NCALD: variants seen among roughly 807,000 people sequenced by gnomAD.
NCALD encodes the protein neurocalcin delta.
A neutral mutation model predicts 18.6 loss-of-function variants in NCALD; 10 were observed. That is an observed-to-expected ratio of 0.54 (90% CI 0.33 to 0.91). The LOEUF (loss-of-function observed/expected upper bound fraction) is 0.91, where lower values mean the gene tolerates loss of function less well. Ranked by LOEUF, NCALD falls within the 40% of genes least tolerant of loss-of-function variation. The pLI is 0.03. For missense variants in NCALD, 184 were observed against 247.6 expected, an observed-to-expected ratio of 0.74 and a Z score of 1.72; for synonymous variants, 88 against 87.4, an observed-to-expected ratio of 1.01 and a Z score of -0.04.
chr8:102,013,176 A>G (rs1190218529), intron 2 of NCALD, among the ~76,000 whole-genome samples: 2 of 152,126 alleles, frequency 1.3e-5, no homozygotes, highest in South Asian at 4.1e-4. Context: ...AAGGGAGTGA[A>G]TTGAATTGCT....
chr8:101,793,175 C>A (rs1812509188), upstream of NCALD, among the ~76,000 whole-genome samples: 2 of 151,846 alleles, frequency 1.3e-5, no homozygotes, highest in African/African-American at 4.8e-5. Flanking sequence ...ACGGTGAAAC[C>A]CCGTCTCTAT....
In NCALD at chr8:101,934,872, G is replaced by A. The variant is rs145709156; in HGVS notation, c.-156-19014C>T. On this transcript the variant is annotated intron_variant, in intron 2 of 6. Coordinates refer to the NCALD transcript ENST00000311028. ...AAGAGATAAGATTTAAATACACAAA[G>A]AGAATATAAGAATCAACTTGGGCCA... Among the ~76,000 whole-genome samples the A allele has an allele frequency of 5.1e-3, 776 of 152,202 alleles. 5 individuals are homozygous for A. Among genetic ancestry groups the A allele is most frequent in the African/African-American group, 0.017 (700 of 41,542 alleles).
Position 101,719,331 on chromosome 8 carries a change from T to C in NCALD, c.299A>G (p.Lys100Arg). ...SVTSRGKLEQ[K>R]LKWAFSMYDL... ...GTACATGCTGAAGGCCCATTTCAGC[T>C]TCTGCTCCAGCTTCCCCCTCGAAGT... is the stretch of plus-strand genomic sequence containing the variant. The change falls in exon 2 of 4, where the codon AAG becomes AGG. Residue 100 changes from lysine (K) to arginine (R), a missense_variant. Transcript: ENST00000220931. The C allele has an allele frequency of 6.2e-7, 1 of 1,614,240 alleles. No homozygotes were observed. The highest frequency in any genetic ancestry group is 8.5e-7 in the Non-Finnish European group (1 of 1,180,046).
At chr8:101,731,525 G>A (rs761955659) in intron 1 of NCALD, among the ~76,000 whole-genome samples, 12 of 151,990 alleles carry the variant, frequency 7.9e-5, no homozygotes, top group African/African-American at 1.7e-4. Flanking sequence ...CTCACTCCCC[G>A]CCCCCCATGG....
chr8:101,918,714 C>G (rs1818057877), intron 2 of NCALD, among the ~76,000 whole-genome samples: 1 of 149,630 alleles, frequency 6.7e-6, no homozygotes, highest in South Asian at 2.1e-4. Flanking sequence ...AGGGCCAAAT[C>G]AAGAACACAA....
At chr8:102,081,545 TAAAAAAAAAAAAAAAA>T (rs770307937) in intron 1 of NCALD, among the ~76,000 whole-genome samples, 2 of 68,704 alleles carry the variant, frequency 2.9e-5, no homozygotes, top group Admixed American at 1.5e-4. Context: ...CAAATAATGG[TAAAAAAAAAAAAAAAA>T]AAAAAAAAAA....
At chr8:101,932,454 C>T (rs1289666845) in intron 2 of NCALD, among the ~76,000 whole-genome samples, 1 of 152,190 alleles carries the variant, frequency 6.6e-6, no homozygotes, top group Non-Finnish European at 1.5e-5. Context: ...TAACCCTTTC[C>T]ATTCCCCCTG....
intron 2 of NCALD, among the ~76,000 whole-genome samples, chr8:101,929,423 GAGGA>G (rs1268149643): frequency 1.1e-3 from 44 of 40,362 alleles, no homozygotes; most frequent in African/African-American, 5.6e-3. Flanking sequence ...GGAAGGGAGG[GAGGA>G]AGGAAGGAAG....
At chr8:101,729,293 A>G (rs116173320) in intron 1 of NCALD, among the ~76,000 whole-genome samples, 1 of 152,240 alleles carries the variant, frequency 6.6e-6, no homozygotes, top group Non-Finnish European at 1.5e-5. Context: ...GAAAAAATTA[A>G]AAGAGGGAGA....
intron 2 of NCALD, among the ~76,000 whole-genome samples, chr8:101,971,502 T>G (rs1820239918): frequency 6.6e-6 from 1 of 152,096 alleles, no homozygotes; most frequent in Non-Finnish European, 1.5e-5. Context: ...CTTCCCACTT[T>G]GCTCATTTGC....
intron 4 of NCALD, among the ~76,000 whole-genome samples, chr8:101,869,669 TA>T (rs1487374378): frequency 1.3e-5 from 2 of 152,174 alleles, no homozygotes; most frequent in Non-Finnish European, 2.9e-5. Flanking sequence ...CACCCTAAAA[TA>T]TTAATTGATA....
At chr8:101,830,712 C>A (rs910279476) in intron 4 of NCALD, among the ~76,000 whole-genome samples, 1 of 151,626 alleles carries the variant, frequency 6.6e-6, no homozygotes, top group Non-Finnish European at 1.5e-5. Context: ...ACTGTTATTA[C>A]CCTCATTTGC....
chr8:101,874,688 C>G (rs925182919), intron 4 of NCALD, among the ~76,000 whole-genome samples: 3 of 152,084 alleles, frequency 2.0e-5, no homozygotes, highest in African/African-American at 7.2e-5. Flanking sequence ...CCACATCCAG[C>G]TAATTTTAAA....
intron 4 of NCALD, chr8:101,872,486 T>C (rs184521268): frequency 7.4e-6 from 6 of 812,312 alleles, no homozygotes; most frequent in Non-Finnish European, 1.3e-5. Context: ...CTTTCCTTGG[T>C]GGGTAAGATG....
intron 2 of NCALD, among the ~76,000 whole-genome samples, chr8:101,694,623 G>T (rs1209907249): frequency 1.3e-5 from 2 of 152,080 alleles, no homozygotes; most frequent in East Asian, 3.9e-4. Context: ...AGGATTATGG[G>T]TGTCCCTGGG....
intron 4 of NCALD, among the ~76,000 whole-genome samples, chr8:101,839,681 A>T (rs967351887): frequency 1.1e-4 from 16 of 152,220 alleles, no homozygotes; most frequent in African/African-American, 3.9e-4. Context: ...AGTCACCCCA[A>T]GGGCTTCCAT....
intron 1 of NCALD, among the ~76,000 whole-genome samples, chr8:102,057,814 T>C (rs897832770): frequency 2.6e-5 from 4 of 152,218 alleles, no homozygotes; most frequent in Non-Finnish European, 4.4e-5. Flanking sequence ...TTTTGAATAA[T>C]AATAAACTAC....
intron 3 of NCALD, among the ~76,000 whole-genome samples, chr8:101,891,291 T>C (rs1054504759): frequency 6.6e-6 from 1 of 152,234 alleles, no homozygotes; most frequent in Admixed American, 6.5e-5. Flanking sequence ...CCATTCCTCA[T>C]CCTTGACAAT....
intron 4 of NCALD, among the ~76,000 whole-genome samples, chr8:101,867,172 G>A (rs1230827720): frequency 6.6e-6 from 1 of 152,030 alleles, no homozygotes; most frequent in Non-Finnish European, 1.5e-5. Context: ...TTTCCTTCAG[G>A]CTTTTTCTCA....
Sources: gnomAD v4.1 joint callset for allele counts (sites outside exome capture counted in the v4.1 genomes callset) on GRCh38, gnomAD v4.1.1 for gene constraint, MANE v1.5 for transcripts, NCBI Gene and HGNC (gene_info 2026-07-23, HGNC 2026-07-21) for gene names.